ST8SIA6: variants seen among roughly 807,000 people sequenced by gnomAD.
ST8SIA6 encodes the protein alpha-2,8-sialyltransferase 8F.
In ST8SIA6, 39 loss-of-function variants were observed where a neutral mutation model predicts 33.6. The ratio of observed to expected loss-of-function variants is 1.16; its 90% CI spans 0.90 to 1.52. The LOEUF is 1.52. Among genes scored for constraint, ST8SIA6 ranks in the 40% most tolerant of loss-of-function variants. ST8SIA6 has a pLI of 0.00. For synonymous variants in ST8SIA6, 172 were observed against 167.2 expected (o/e 1.03, Z -0.22); for missense variants, 441 against 443.8 (o/e 0.99, Z 0.06).
chr10:17,419,850 A>AT (rs971517558), intron 2 of ST8SIA6, among the ~76,000 whole-genome samples: 2 of 152,148 alleles, frequency 1.3e-5, no homozygotes, highest in Non-Finnish European at 2.9e-5. Flanking sequence ...ATTTGCACAC[A>AT]TTTTTTTAAC....
chr10:17,379,758 T>C (rs1282020516), intron 3 of ST8SIA6, among the ~76,000 whole-genome samples: 1 of 152,292 alleles, frequency 6.6e-6, no homozygotes, highest in East Asian at 1.9e-4. Context: ...AACCAAGCTA[T>C]GCCCGACCAC....
rs1853026165 is a variant in ST8SIA6 at position 17,454,078 on chromosome 10, C to G, written c.101+77G>C. 8.2e-6 allele frequency: 2 copies of G among 243,954 alleles called. No individual in the cohort carries two copies. The highest frequency in any genetic ancestry group is 5.6e-5 in the Admixed American group (1 of 17,996). 15.1% of individuals were successfully genotyped at this position (243,954 alleles called of 1,614,324 possible). A position where few individuals can be genotyped will look rare whatever the true frequency, so the allele number is the denominator to read the frequency against. ...AAAAGTCTCCGCGCCCGAGGGGAAG[C>G]GATGGGCGGCTTGGGGGTCCGGGGG... On this transcript the variant is annotated intron_variant, in intron 1 of 7. Transcript: ENST00000377602. The surrounding 1 kb of genome is among the most constrained non-coding windows in gnomAD (Gnocchi z 4.1).
chr10:17,432,238 C>G (rs1852124299), intron 2 of ST8SIA6, among the ~76,000 whole-genome samples: 1 of 152,138 alleles, frequency 6.6e-6, no homozygotes, highest in African/African-American at 2.4e-5. Context: ...TCACCAGCCT[C>G]GGAAAGGACT....
rs2131567293 is a variant in ST8SIA6, at chr10:17,319,395, A to G, written c.*1483T>C. On this transcript the variant is annotated 3_prime_UTR_variant, in exon 8 of 8. Coordinates refer to ENST00000377602, the MANE Select transcript of ST8SIA6 (RefSeq NM_001004470.3). ...AGCCAAAGATTTTTGGCTAACGTGA[A>G]TCTAGGTAGGATTGTTGTAAAATTT... Among the ~76,000 whole-genome samples, 1 of 152,302 alleles carries G rather than the reference A, an allele frequency of 6.6e-6. No individual in the cohort carries two copies. The highest frequency in any genetic ancestry group is 2.4e-5 in the African/African-American group (1 of 41,578).
rs1352583397 is a variant in ST8SIA6 at position 17,317,758 on chromosome 10, G to T, written c.*3120C>A. Among the ~76,000 whole-genome samples the T allele has an allele frequency of 1.3e-5, 2 of 152,120 alleles. No homozygotes were observed. Among genetic ancestry groups the T allele is most frequent in the Non-Finnish European group, 2.9e-5 (2 of 68,030 alleles). ...TAGGCAAACACAGGTCTGATTTGCTGCTTAATTCTGTATTCTACAGAGAGT... is the reference window on the plus strand; with the variant it reads ...TAGGCAAACACAGGTCTGATTTGCTTCTTAATTCTGTATTCTACAGAGAGT... On this transcript the variant is annotated 3_prime_UTR_variant, in exon 8 of 8. Transcript: ENST00000377602.
chr10:17,413,061 AAGG>A (rs1449191963), intron 2 of ST8SIA6, among the ~76,000 whole-genome samples: 1 of 152,210 alleles, frequency 6.6e-6, no homozygotes, highest in African/African-American at 2.4e-5. Flanking sequence ...TAAGAGAACT[AAGG>A]AGAATTTGAG....
At chr10:17,372,996 CAA>C (rs1849783709) in intron 3 of ST8SIA6, among the ~76,000 whole-genome samples, 1 of 152,100 alleles carries the variant, frequency 6.6e-6, no homozygotes, top group Non-Finnish European at 1.5e-5. Context: ...GTTAGGAAAA[CAA>C]AAGTTACCTA....
intron 2 of ST8SIA6, among the ~76,000 whole-genome samples, chr10:17,396,155 T>C (rs993119436): frequency 6.6e-6 from 1 of 152,220 alleles, no homozygotes; most frequent in Non-Finnish European, 1.5e-5. Flanking sequence ...TGCAAGATTA[T>C]TTTTCTGCCC....
chr10:17,404,361 A>T (rs772391705), intron 2 of ST8SIA6, among the ~76,000 whole-genome samples: 32 of 152,276 alleles, frequency 2.1e-4, no homozygotes, highest in African/African-American at 7.7e-4. Flanking sequence ...TTGCCCTTCA[A>T]TGGAGAACCA....
chr10:17,436,567 CTGT>C (rs1312881871), intron 2 of ST8SIA6, among the ~76,000 whole-genome samples: 5 of 142,354 alleles, frequency 3.5e-5, no homozygotes, highest in Non-Finnish European at 6.1e-5. Context: ...GTTCCCCATC[CTGT>C]GTCCAAGTGT....
At position 17,315,731 on chromosome 10, in the gene ST8SIA6, G is replaced by T. The variant is rs1203345636; in HGVS notation, c.*5147C>A. Among the ~76,000 whole-genome samples the T allele has an allele frequency of 6.6e-6, 1 of 151,928 alleles. No individual in the cohort carries two copies. The highest frequency in any genetic ancestry group is 1.5e-5 in the Non-Finnish European group (1 of 67,884). ...AAAAACAGATTAGGAATTTTCTGGG[G>T]ACGAGGGTGGGATGGACAGGGAGGA... is the stretch of plus-strand genomic sequence containing the variant. On this transcript the variant is annotated 3_prime_UTR_variant, in exon 8 of 8. Coordinates refer to ENST00000377602, the MANE Select transcript of ST8SIA6 (RefSeq NM_001004470.3).
chr10:17,414,120 T>A (rs1038272584), intron 2 of ST8SIA6, among the ~76,000 whole-genome samples: 1 of 151,952 alleles, frequency 6.6e-6, no homozygotes, highest in Non-Finnish European at 1.5e-5. Context: ...TTGTTTCTTT[T>A]TCTGTTGTCC....
chr10:17,324,351 AAAAT>A (rs912002446), intron 6 of ST8SIA6, among the ~76,000 whole-genome samples: 31 of 152,276 alleles, frequency 2.0e-4, no homozygotes, highest in African/African-American at 7.5e-4. Context: ...GTCAGAAAAT[AAAAT>A]AAATACGGCA....
chr10:17,315,769 G>C lies in ST8SIA6; in HGVS notation c.*5109C>G, dbSNP rs984966036. 2.6e-5 allele frequency among the ~76,000 whole-genome samples: 4 copies of C among 151,806 alleles called. No individual in the cohort carries two copies. The highest frequency in any genetic ancestry group is 9.7e-5 in the African/African-American group (4 of 41,394). On this transcript the variant is annotated 3_prime_UTR_variant, in exon 8 of 8. Transcript: ENST00000377602. ...TGGACAGGGAGGAAGAAGAGGGAGG[G>C]ATTACAAAGTAGCACAAGAAAACAT... is the stretch of plus-strand genomic sequence containing the variant.
chr10:17,453,446 C>T (rs12256036), intron 2 of ST8SIA6, 113 bp downstream of exon 2: 1 of 790,790 alleles, frequency 1.3e-6, no homozygotes, highest in East Asian at 3.4e-5. Context: ...CTTACACTCA[C>T]TCGCGCCGTC....
chr10:17,323,239 A>ACACACACT, intron 6 of ST8SIA6, 82 bp from the exon 7 acceptor site: 1 of 786,486 alleles, frequency 1.3e-6, no homozygotes, highest in Non-Finnish European at 2.1e-6. Context: ...GCACACACAC[A>ACACACACT]CACACACACA....
chr10:17,322,353 T>C (rs1188874945), intron 7 of ST8SIA6, among the ~76,000 whole-genome samples: 1 of 152,188 alleles, frequency 6.6e-6, no homozygotes, highest in Non-Finnish European at 1.5e-5. Flanking sequence ...TAGGTTATTT[T>C]TAAAAATTTC....
chr10:17,324,464 C>G (rs1473696349), intron 6 of ST8SIA6, among the ~76,000 whole-genome samples: 1 of 151,800 alleles, frequency 6.6e-6, no homozygotes, highest in African/African-American at 2.4e-5. Flanking sequence ...CAGTAGTGGG[C>G]CTCCCACAAC....
intron 2 of ST8SIA6, among the ~76,000 whole-genome samples, chr10:17,407,769 A>G (rs191954033): frequency 1.3e-5 from 2 of 152,184 alleles, no homozygotes; most frequent in African/African-American, 4.8e-5. Flanking sequence ...ACAAGTTCTT[A>G]AAAGTCTCCT....
Sources: allele counts gnomAD v4.1 joint callset (sites outside exome capture counted in the v4.1 genomes callset), GRCh38; gene constraint gnomAD v4.1.1; non-coding constraint Gnocchi (gnomAD v3.1); transcripts MANE v1.5; gene names NCBI Gene and HGNC (gene_info 2026-07-23, HGNC 2026-07-21).